Variants in TRHDE observed in about 807,000 individuals in gnomAD.
The protein encoded by TRHDE is thyrotropin-releasing hormone-degrading ectoenzyme.
Under a neutral mutation model 125.7 loss-of-function variants are expected in TRHDE, and 72 were observed. That is an observed-to-expected ratio of 0.57 (90% CI 0.47 to 0.70). The LOEUF is 0.70. Ranked by LOEUF, TRHDE falls within the 30% of genes least tolerant of loss-of-function variation. The probability of loss-of-function intolerance (pLI) is 0.00; values close to 1 mark genes in which losing one functional copy is unlikely to be tolerated. For synonymous variants in TRHDE, 509 were observed against 509.1 expected (o/e 1.00, Z 0.00); for missense variants, 1,110 against 1,327.1 (o/e 0.84, Z 2.54).
At chr12:72,165,045 T>C (rs1876714676) in intron 2 of TRHDE, among the ~76,000 whole-genome samples, 1 of 152,112 alleles carries the variant, frequency 6.6e-6, no homozygotes, top group Admixed American at 6.5e-5. Context: ...ATAAAATAGA[T>C]GGGCAGCTCA....
At chr12:72,124,365 T>A (rs1281242983) in intron 2 of TRHDE, among the ~76,000 whole-genome samples, 1 of 152,190 alleles carries the variant, frequency 6.6e-6, no homozygotes, top group Non-Finnish European at 1.5e-5. Flanking sequence ...GGAGATTTTG[T>A]TTACAATAAA....
At chr12:72,512,634 T>C (rs1234262990) in intron 6 of TRHDE, among the ~76,000 whole-genome samples, 2 of 142,950 alleles carry the variant, frequency 1.4e-5, no homozygotes, top group Non-Finnish European at 3.0e-5. Flanking sequence ...TATATCATAT[T>C]ATCATATATA....
At chr12:72,237,346 G>T (rs2139377631) in intron 2 of TRHDE, among the ~76,000 whole-genome samples, 1 of 152,260 alleles carries the variant, frequency 6.6e-6, no homozygotes, top group Non-Finnish European at 1.5e-5. Flanking sequence ...CTACTAGGTG[G>T]TAAAATTGCA....
intron 2 of TRHDE, among the ~76,000 whole-genome samples, chr12:72,299,572 G>A (rs1406746994): frequency 6.6e-6 from 1 of 152,154 alleles, no homozygotes; most frequent in Non-Finnish European, 1.5e-5. Context: ...GTTCAACAAT[G>A]AACTGAAATA....
In TRHDE at chr12:72,665,536, T is replaced by G. The variant is rs1875083143; in HGVS notation, c.*2341T>G. On this transcript the variant is annotated 3_prime_UTR_variant, in exon 19 of 19. Coordinates refer to ENST00000261180, the MANE Select transcript of TRHDE (RefSeq NM_013381.3). ...TTGAAATTATATCAGGCTTTACCGG[T>G]TTTTTTAGTTGTTTAAATAAGTAAT... 6.6e-6 allele frequency: 1 copy of G among 152,396 alleles called. No homozygotes were observed. Among genetic ancestry groups the G allele is most frequent in the African/African-American group, 2.4e-5 (1 of 41,434 alleles). The allele number at this position is 152,396 out of a possible 1,614,324, so 9.4% of individuals were successfully genotyped here.
intron 2 of TRHDE, chr12:72,258,154 G>T (rs1382964456): frequency 1.3e-5 from 2 of 152,102 alleles, no homozygotes; most frequent in Non-Finnish European, 2.9e-5. Context: ...TCTTCCAGTA[G>T]GGTGAATGCA....
At chr12:72,261,390 CAA>C (rs1333644903) in intron 2 of TRHDE, among the ~76,000 whole-genome samples, 3 of 152,122 alleles carry the variant, frequency 2.0e-5, no homozygotes, top group African/African-American at 7.2e-5. Context: ...GCAGTCATAA[CAA>C]ACTTTTCTGC....
At chr12:72,334,384 T>G (rs1253490044) in intron 2 of TRHDE, among the ~76,000 whole-genome samples, 5 of 152,216 alleles carry the variant, frequency 3.3e-5, no homozygotes. Flanking sequence ...TTGTTGTGAG[T>G]GCGCATTCCT....
intron 2 of TRHDE, among the ~76,000 whole-genome samples, chr12:72,329,408 T>C (rs1227188837): frequency 6.6e-6 from 1 of 152,154 alleles, no homozygotes; most frequent in Non-Finnish European, 1.5e-5. Flanking sequence ...TTAGAGCAGA[T>C]CTTGGGAAAT....
At chr12:72,344,550 C>G (rs1441228496) in intron 2 of TRHDE, among the ~76,000 whole-genome samples, 1 of 152,038 alleles carries the variant, frequency 6.6e-6, no homozygotes, top group Non-Finnish European at 1.5e-5. Flanking sequence ...TACCGTGTGC[C>G]ATGTCCTGGT....
intron 12 of TRHDE, among the ~76,000 whole-genome samples, chr12:72,578,385 A>T (rs1157810980): frequency 6.6e-5 from 10 of 152,112 alleles, no homozygotes; most frequent in Non-Finnish European, 1.5e-4. Flanking sequence ...AGTAAGAGTG[A>T]CTTCGCCCAT....
At chr12:72,276,944 C>T (rs905469619) in intron 1 of TRHDE, among the ~76,000 whole-genome samples, 4 of 152,084 alleles carry the variant, frequency 2.6e-5, no homozygotes, top group African/African-American at 9.7e-5. Flanking sequence ...AAATAATTGC[C>T]ACTTTTGGGT....
chr12:72,168,943 A>G (rs1207285309), intron 2 of TRHDE, among the ~76,000 whole-genome samples: 1 of 152,212 alleles, frequency 6.6e-6, no homozygotes, highest in African/African-American at 2.4e-5. Context: ...GACCTTTAAT[A>G]AGTTATTACA....
At chr12:72,487,296 C>T (rs1458609524) in intron 5 of TRHDE, among the ~76,000 whole-genome samples, 1 of 151,958 alleles carries the variant, frequency 6.6e-6, no homozygotes, top group Admixed American at 6.6e-5. Flanking sequence ...CAAACAGTCG[C>T]CAAACAGAAA....
rs930608871 is a variant in TRHDE, at chr12:72,110,967, T to G, written n.279+5215T>G. Among the ~76,000 whole-genome samples the G allele has an allele frequency of 3.7e-4, 56 of 152,144 alleles. 1 individual carries two copies. The highest frequency in any genetic ancestry group is 1.2e-3 in the African/African-American group (50 of 41,458). On this transcript the variant is annotated intron_variant and non_coding_transcript_variant, in intron 2 of 4. Transcript: ENST00000548156. The stretch of plus-strand genomic sequence containing the variant: ...AAGTACAAGTATGTCTCTTTTCCTG[T>G]CACTCTCAGGCAATCTATGTTTGTG...
chr12:72,129,524 A>G (rs1305557667), intron 2 of TRHDE, among the ~76,000 whole-genome samples: 1 of 152,244 alleles, frequency 6.6e-6, no homozygotes. Flanking sequence ...CTTCTTAGAA[A>G]GCTAGAATTA....
intron 2 of TRHDE, among the ~76,000 whole-genome samples, chr12:72,134,347 G>T (rs954054357): frequency 6.6e-6 from 1 of 152,024 alleles, no homozygotes; most frequent in Non-Finnish European, 1.5e-5. Flanking sequence ...AAAAGTTGGA[G>T]GCAAGGGATT....
chr12:72,589,048 C>A (rs1397274619), intron 12 of TRHDE, among the ~76,000 whole-genome samples: 1 of 152,128 alleles, frequency 6.6e-6, no homozygotes, highest in Admixed American at 6.5e-5. Flanking sequence ...TTCTCCCACA[C>A]GTGGGGATCA....
At chr12:72,432,414 C>A (rs1874531496) in intron 3 of TRHDE, among the ~76,000 whole-genome samples, 1 of 152,128 alleles carries the variant, frequency 6.6e-6, no homozygotes, top group Non-Finnish European at 1.5e-5. Flanking sequence ...GATCAAAGGT[C>A]AGTTCCTGGT....
Sources: allele counts gnomAD v4.1 joint callset (sites outside exome capture counted in the v4.1 genomes callset), GRCh38; gene constraint gnomAD v4.1.1; transcripts MANE v1.5; gene names NCBI Gene and HGNC (gene_info 2026-07-23, HGNC 2026-07-21).